The following NVL variants were observed in gnomAD, a reference collection of about 807,000 sequenced individuals.
NVL encodes the protein nuclear VCP like, also known as nuclear valosin-containing protein-like.
NVL carries 84 observed loss-of-function variants against 110.2 expected under a neutral mutation model. That is an observed-to-expected ratio of 0.76 (90% CI 0.64 to 0.91). The LOEUF (loss-of-function observed/expected upper bound fraction) is 0.91. Among genes scored for constraint, NVL ranks in the 40% least tolerant of loss-of-function variants. The probability of loss-of-function intolerance (pLI) is 0.00; values close to 1 mark genes in which losing one functional copy is unlikely to be tolerated. For synonymous variants in NVL, 354 were observed against 361.1 expected (o/e 0.98, Z 0.22); for missense variants, 882 against 1,035.9 (o/e 0.85, Z 2.04).
chr1:224,263,786 C>T (rs947371256), intron 18 of NVL, among the ~76,000 whole-genome samples: 4 of 152,122 alleles, frequency 2.6e-5, no homozygotes, highest in African/African-American at 9.7e-5. Flanking sequence ...TAGACTGCTT[C>T]TTAAACATTT....
At position 224,282,426 on chromosome 1, in the gene NVL, C is replaced by T. The variant is rs545832577; in HGVS notation, c.1900-1241G>A. On this transcript the variant is annotated intron_variant, in intron 15 of 22. Transcript: ENST00000281701. Reference sequence around the variant, plus strand: ...CCTAGTTTGGAATTCCAGTGAAATGCTAGTCTCTGTACTCAAGAAATACCT... The same window carrying T: ...CCTAGTTTGGAATTCCAGTGAAATGTTAGTCTCTGTACTCAAGAAATACCT... Among the ~76,000 whole-genome samples, 19 of 152,238 alleles carry T rather than the reference C, an allele frequency of 1.2e-4. No individual in the cohort carries two copies. The South Asian group carries it at 1.5e-3, about 12-fold the overall frequency.
chr1:224,254,846 A>C (rs1662994634), intron 18 of NVL, among the ~76,000 whole-genome samples: 1 of 150,764 alleles, frequency 6.6e-6, no homozygotes, highest in Non-Finnish European at 1.5e-5. Flanking sequence ...GCAATTTTCA[A>C]GTACCTTTTG....
chr1:224,240,061 A>ATTTTT (rs34586586), intron 19 of NVL, among the ~76,000 whole-genome samples: 2 of 90,932 alleles, frequency 2.2e-5, no homozygotes, highest in East Asian at 3.3e-4. Flanking sequence ...ACGCTGGGTA[A>ATTTTT]TTTTTTTTTT....
intron 10 of NVL, 85 bp from the exon 11 acceptor site, chr1:224,296,703 A>T: frequency 1.2e-6 from 1 of 821,656 alleles, no homozygotes; most frequent in Non-Finnish European, 1.9e-6. Flanking sequence ...TTTAAAAAAA[A>T]TCTTCAAGGT....
chr1:224,289,700 A>G lies in NVL; in HGVS notation c.1359T>C (p.Leu453=). The change falls in exon 13 of 23, where the codon CTT becomes CTC. Residue 453 remains leucine, a synonymous_variant. Transcript: ENST00000281701. ...ILQTLCRKLR[L]PQAFDFCHLA... ...AGTGACAGAAATCAAAAGCTTGAGG[A>G]AGCCTCAGTTTTCTGCACAATGTTT... 6.2e-7 allele frequency: 1 copy of G among 1,614,190 alleles called. No homozygotes were observed. The highest frequency in any genetic ancestry group is 1.1e-5 in the South Asian group (1 of 91,074).
chr1:224,269,394 T>C (rs1225812252), intron 17 of NVL, among the ~76,000 whole-genome samples: 1 of 152,178 alleles, frequency 6.6e-6, no homozygotes, highest in South Asian at 2.1e-4. Flanking sequence ...ACGACACTAA[T>C]GTTAATAAGT....
At chr1:224,313,617 T>G (rs1169174543) in intron 4 of NVL, among the ~76,000 whole-genome samples, 1 of 151,974 alleles carries the variant, frequency 6.6e-6, no homozygotes, top group Non-Finnish European at 1.5e-5. Context: ...ACCTCTCAAA[T>G]GAAATAGAAA....
chr1:224,298,145 A>C (rs1668054077), intron 10 of NVL: 1 of 159,144 alleles, frequency 6.3e-6, no homozygotes, highest in Non-Finnish European at 1.4e-5. Context: ...CAGAGGTTGC[A>C]GTGAGCTGAG....
chr1:224,278,367 G>C (rs1431519053), intron 16 of NVL, among the ~76,000 whole-genome samples: 2 of 151,310 alleles, frequency 1.3e-5, no homozygotes, highest in East Asian at 3.9e-4. Flanking sequence ...TGAGTAGCTG[G>C]GATTACAGAC....
chr1:224,310,117 C>T (rs1257509540), intron 5 of NVL, among the ~76,000 whole-genome samples: 1 of 149,796 alleles, frequency 6.7e-6, no homozygotes, highest in Non-Finnish European at 1.5e-5. Flanking sequence ...CACCACTGCA[C>T]TCCAGCCTCG....
chr1:224,292,853 C>T (rs1339125628), intron 12 of NVL, among the ~76,000 whole-genome samples: 2 of 151,790 alleles, frequency 1.3e-5, no homozygotes, highest in Non-Finnish European at 2.9e-5. Flanking sequence ...CAGGTTCAAG[C>T]GATTCCCCTA....
chr1:224,316,704 G>A (rs977037793), intron 4 of NVL, among the ~76,000 whole-genome samples: 2 of 150,474 alleles, frequency 1.3e-5, no homozygotes, highest in African/African-American at 4.9e-5. Flanking sequence ...TTGCCTAGAA[G>A]CAGGGGTGGA....
intron 18 of NVL, among the ~76,000 whole-genome samples, chr1:224,254,538 A>G (rs1049955327): frequency 1.4e-5 from 2 of 144,940 alleles, no homozygotes; most frequent in Non-Finnish European, 3.0e-5. Flanking sequence ...GATTACAGGC[A>G]TGCACCACCA....
At chr1:224,313,989 C>CGAGAT (rs1236859016) in intron 4 of NVL, among the ~76,000 whole-genome samples, 3 of 151,962 alleles carry the variant, frequency 2.0e-5, no homozygotes, top group South Asian at 4.2e-4. Context: ...GGTGACAGAG[C>CGAGAT]GAGATTCTGT....
At chr1:224,230,031 C>T (rs1212843702) in intron 22 of NVL, among the ~76,000 whole-genome samples, 1 of 151,922 alleles carries the variant, frequency 6.6e-6, no homozygotes, top group Non-Finnish European at 1.5e-5. Context: ...AGGGTCTCAC[C>T]ATGTTGCCCA....
At chr1:224,256,437 A>AC (rs1478345164) in intron 18 of NVL, among the ~76,000 whole-genome samples, 10 of 150,054 alleles carry the variant, frequency 6.7e-5, no homozygotes, top group Admixed American at 4.6e-4. Flanking sequence ...AAAAAAAAAA[A>AC]AAAAAAAAAA....
intron 9 of NVL, among the ~76,000 whole-genome samples, chr1:224,302,243 C>A (rs1668490167): frequency 6.6e-6 from 1 of 151,924 alleles, no homozygotes; most frequent in South Asian, 2.1e-4. Context: ...GCTCTTGTTG[C>A]CCAAGCTGGA....
chr1:224,259,298 C>G (rs1663674425), intron 18 of NVL, among the ~76,000 whole-genome samples: 2 of 152,082 alleles, frequency 1.3e-5, no homozygotes, highest in Admixed American at 1.3e-4. Context: ...ACTGTGTTGG[C>G]CAGGCTGGTC....
chr1:224,242,781 A>T (rs888114172), intron 19 of NVL, among the ~76,000 whole-genome samples: 1 of 151,088 alleles, frequency 6.6e-6, no homozygotes, highest in South Asian at 2.1e-4. Context: ...TTTATTCTTA[A>T]ATCTATTCTT....
Sources: gnomAD v4.1 joint callset for allele counts (sites outside exome capture counted in the v4.1 genomes callset) on GRCh38, gnomAD v4.1.1 for gene constraint, MANE v1.5 for transcripts, NCBI Gene and HGNC (gene_info 2026-07-23, HGNC 2026-07-21) for gene names.